Variants in KIAA1671 observed in about 807,000 individuals in gnomAD.
KIAA1671 encodes KIAA1671.
Under a neutral mutation model 131.2 loss-of-function variants are expected in KIAA1671, and 52 were observed. That is an observed-to-expected ratio of 0.40 (90% CI 0.32 to 0.50). The LOEUF is 0.50. Among genes scored for constraint, KIAA1671 ranks in the 20% least tolerant of loss-of-function variants. KIAA1671 has a pLI of 0.73. For synonymous variants in KIAA1671, 1,003 were observed against 961.6 expected (o/e 1.04, Z -0.80); for missense variants, 2,360 against 2,364.2 (o/e 1.00, Z 0.04).
chr22:24,970,753 T>TAAAA (rs1922571527), intron 1 of KIAA1671, among the ~76,000 whole-genome samples: 3 of 130,838 alleles, frequency 2.3e-5, no homozygotes, highest in Admixed American at 7.5e-5. Context: ...AAAACAAAAC[T>TAAAA]CATAACATTT....
chr22:25,191,559 C>T (rs1023152679), intron 12 of KIAA1671, among the ~76,000 whole-genome samples: 8 of 152,270 alleles, frequency 5.3e-5, no homozygotes, highest in Admixed American at 4.6e-4. Flanking sequence ...TAGATAGGCC[C>T]TGGTGTAAGT....
At chr22:25,047,978 C>T (rs1927337840) in intron 5 of KIAA1671, among the ~76,000 whole-genome samples, 1 of 152,132 alleles carries the variant, frequency 6.6e-6, no homozygotes, top group Middle Eastern at 3.2e-3. Context: ...TGATCTATTT[C>T]AAGTTGATTT....
intron 6 of KIAA1671, among the ~76,000 whole-genome samples, chr22:25,096,750 T>A (rs998455256): frequency 2.6e-5 from 4 of 152,230 alleles, no homozygotes; most frequent in Non-Finnish European, 4.4e-5. Context: ...CCCTGAGGCC[T>A]GCTCCTGCCT....
chr22:24,993,615 G>A (rs1923957844), intron 1 of KIAA1671, among the ~76,000 whole-genome samples: 2 of 152,114 alleles, frequency 1.3e-5, no homozygotes. Flanking sequence ...CTTTGTCTTG[G>A]TGCATGGCTT....
chr22:25,116,986 G>T (rs984352486), intron 6 of KIAA1671, among the ~76,000 whole-genome samples: 24 of 152,128 alleles, frequency 1.6e-4, no homozygotes, highest in Admixed American at 1.2e-3. Flanking sequence ...CTACATAATT[G>T]TTTATGGCTG....
In KIAA1671 at chr22:25,080,024, A is replaced by G. The variant is rs1601292064; in HGVS notation, c.4530+30660A>G. On this transcript the variant is annotated intron_variant, in intron 6 of 12. Coordinates refer to ENST00000358431, the MANE Select transcript of KIAA1671 (RefSeq NM_001145206.2). Reference sequence around the variant, plus strand: ...GTTGAGCCCCAGGATGTGCTCATGGATTGGACATGGGATAGGAAAGACTTG... The same window carrying G: ...GTTGAGCCCCAGGATGTGCTCATGGGTTGGACATGGGATAGGAAAGACTTG... 2.0e-5 allele frequency among the ~76,000 whole-genome samples: 3 copies of G among 152,212 alleles called. 1 individual carries two copies. The East Asian group carries it at 5.8e-4, about 29-fold the overall frequency.
intron 6 of KIAA1671, among the ~76,000 whole-genome samples, chr22:25,093,742 C>CTCTCTTTCTCTCTCTCTCTCTG: frequency 8.4e-6 from 1 of 118,482 alleles, no homozygotes; most frequent in Non-Finnish European, 1.8e-5. Flanking sequence ...CACACACTCT[C>CTCTCTTTCTCTCTCTCTCTCTG]TCTCTCTCTC....
At chr22:25,132,655 A>T (rs1172452688) in intron 6 of KIAA1671, among the ~76,000 whole-genome samples, 1 of 152,048 alleles carries the variant, frequency 6.6e-6, no homozygotes, top group Non-Finnish European at 1.5e-5. Flanking sequence ...GTGACCTTAG[A>T]CCCTGCCAGC....
intron 11 of KIAA1671, among the ~76,000 whole-genome samples, chr22:25,188,447 GGTGTGTGTGTGTGTGTGTGTGTGTGTGT>G (rs59590267): frequency 7.3e-6 from 1 of 137,890 alleles, no homozygotes; most frequent in African/African-American, 2.7e-5. Context: ...GAGCCAATCG[GGTGTGTGTGTGTGTGTGTGTGTGTGTGT>G]GTGTGTGTGT....
At chr22:25,155,193 C>A (rs1933187912) in intron 6 of KIAA1671, among the ~76,000 whole-genome samples, 1 of 152,156 alleles carries the variant, frequency 6.6e-6, no homozygotes, top group Admixed American at 6.5e-5. Context: ...CAATTTCTAC[C>A]TTCTGAAGAG....
chr22:25,075,516 G>A (rs540209616), intron 6 of KIAA1671, among the ~76,000 whole-genome samples: 270 of 147,596 alleles, frequency 1.8e-3, no homozygotes, highest in Admixed American at 3.6e-3. Flanking sequence ...TTTTTTTTGA[G>A]ATGGAGTCTC....
At chr22:25,089,503 A>G (rs894328239) in intron 6 of KIAA1671, among the ~76,000 whole-genome samples, 1 of 150,906 alleles carries the variant, frequency 6.6e-6, no homozygotes, top group Non-Finnish European at 1.5e-5. Flanking sequence ...CGAACTCCCA[A>G]CCTCAGGTGA....
chr22:25,118,251 C>T (rs1931776243), intron 6 of KIAA1671, among the ~76,000 whole-genome samples: 1 of 151,976 alleles, frequency 6.6e-6, no homozygotes, highest in African/African-American at 2.4e-5. Flanking sequence ...CATTCTTTGG[C>T]TTGTGGCCAC....
chr22:25,151,717 G>A (rs5760882), intron 6 of KIAA1671, among the ~76,000 whole-genome samples: 16,130 of 152,012 alleles, frequency 0.11, 924 homozygotes, highest in East Asian at 0.16. Flanking sequence ...TGGGATTACA[G>A]GTGTGAGCCA....
intron 11 of KIAA1671, among the ~76,000 whole-genome samples, chr22:25,187,834 A>G (rs1934529698): frequency 6.6e-6 from 1 of 152,140 alleles, no homozygotes; most frequent in African/African-American, 2.4e-5. Context: ...TTGTGTTCTC[A>G]TTATAAGAAA....
chr22:25,074,310 G>A (rs1354508296), intron 6 of KIAA1671, among the ~76,000 whole-genome samples: 1 of 150,952 alleles, frequency 6.6e-6, no homozygotes, highest in East Asian at 1.9e-4. Flanking sequence ...TTTGAGACCA[G>A]CCTGGTCAAC....
chr22:24,955,155 C>T (rs1921626931), intron 1 of KIAA1671, among the ~76,000 whole-genome samples: 1 of 152,234 alleles, frequency 6.6e-6, no homozygotes, highest in African/African-American at 2.4e-5. Context: ...AGCATTTCTC[C>T]TCACCAGGCT....
chr22:25,167,089 T>C (rs1933671040), intron 6 of KIAA1671, among the ~76,000 whole-genome samples: 1 of 152,026 alleles, frequency 6.6e-6, no homozygotes, highest in Non-Finnish European at 1.5e-5. Context: ...AGATGACCAC[T>C]TCTAGCCCTG....
intron 6 of KIAA1671, among the ~76,000 whole-genome samples, chr22:25,106,121 G>C (rs954313714): frequency 6.6e-6 from 1 of 152,160 alleles, no homozygotes; most frequent in Non-Finnish European, 1.5e-5. Context: ...ATTCATTGAG[G>C]GAAAGCTCTC....
Sources: gnomAD v4.1 joint callset for allele counts (sites outside exome capture counted in the v4.1 genomes callset) on GRCh38, gnomAD v4.1.1 for gene constraint, MANE v1.5 for transcripts, NCBI Gene and HGNC (gene_info 2026-07-23, HGNC 2026-07-21) for gene names.